The following KDM3B variants were observed in gnomAD, a reference collection of about 807,000 sequenced individuals.
KDM3B encodes lysine-specific demethylase 3B.
A neutral mutation model predicts 170.0 loss-of-function variants in KDM3B; 10 were observed. The observed-to-expected ratio is 0.06, with a 90% CI of 0.04 to 0.10. The LOEUF (loss-of-function observed/expected upper bound fraction) is 0.10. Among genes scored for constraint, KDM3B ranks in the 10% least tolerant of loss-of-function variants. KDM3B has a pLI of 1.00. For synonymous variants in KDM3B, 831 were observed against 834.8 expected (o/e 1.00, Z 0.08); for missense variants, 1,394 against 2,195.2 (o/e 0.64, Z 7.29).
chr5:138,424,233 T>A lies in KDM3B; in HGVS notation c.4131T>A (p.Asp1377Glu). The change falls in exon 16 of 24, where the codon GAT becomes GAA. Residue 1377 changes from aspartate to glutamate, a missense_variant. Physicochemically the swap from Asp to Glu is conservative, Grantham distance 45. Around this residue, in one of 19 missense-constraint regions of KDM3B, gnomAD observed 137 missense variants for 166.9 expected, o/e 0.82. Coordinates refer to ENST00000314358, the MANE Select transcript of KDM3B (RefSeq NM_016604.4). Reference sequence around the variant, plus strand: ...TGGTGATGGGGTTAAATGTGCTAGATCCCCATACTTCTCACTCCTGGCTTT... The same window carrying A: ...TGGTGATGGGGTTAAATGTGCTAGAACCCCATACTTCTCACTCCTGGCTTT... ...KEMVMGLNVL[D>E]PHTSHSWLCD... 1 of 1,614,118 alleles carries A rather than the reference T, an allele frequency of 6.2e-7. No individual in the cohort carries two copies. Among genetic ancestry groups the A allele is most frequent in the Non-Finnish European group, 8.5e-7 (1 of 1,179,974 alleles).
chr5:138,381,995 T>C (rs1371013658), intron 6 of KDM3B, among the ~76,000 whole-genome samples: 1 of 151,078 alleles, frequency 6.6e-6, no homozygotes, highest in Non-Finnish European at 1.5e-5. Flanking sequence ...GGCAGTGAGC[T>C]CCAACGGAGT....
chr5:138,392,472 CA>C (rs1762459564), intron 8 of KDM3B, among the ~76,000 whole-genome samples: 2 of 152,190 alleles, frequency 1.3e-5, no homozygotes, highest in Non-Finnish European at 2.9e-5. Context: ...GTATCTGTCC[CA>C]AATAATGATA....
At position 138,419,710 on chromosome 5, in the gene KDM3B, CAT is replaced by C. The variant is rs1250523114; in HGVS notation, c.3715+486_3715+487del. 2.9e-5 allele frequency among the ~76,000 whole-genome samples: 3 copies of C among 103,502 alleles called. No individual in the cohort carries two copies. In the Admixed American group the frequency reaches 3.1e-4, roughly 11 times the overall value. The allele number at this position is 103,502 out of a possible 152,430, so 67.9% of individuals were successfully genotyped here. On this transcript the variant is annotated intron_variant, in intron 14 of 23. Transcript: ENST00000314358. ...ATATACATATATATATACACACACA[CAT>C]ATATATACACACACATACACACACA...
chr5:138,424,921 C>G (rs1763357469), intron 16 of KDM3B, among the ~76,000 whole-genome samples: 1 of 152,168 alleles, frequency 6.6e-6, no homozygotes, highest in Non-Finnish European at 1.5e-5. Flanking sequence ...GCATTGATAT[C>G]TTTAGAGAAA....
intron 2 of KDM3B, 91 bp from the exon 3 acceptor site, chr5:138,375,002 A>G: frequency 1.3e-6 from 1 of 756,316 alleles, no homozygotes; most frequent in South Asian, 1.5e-5. Context: ...TGAAAGATAT[A>G]ATAATTATTT....
chr5:138,361,339 CTTT>C (rs10715941), intron 1 of KDM3B, among the ~76,000 whole-genome samples: 1 of 146,330 alleles, frequency 6.8e-6, no homozygotes. Context: ...GCTGAAACTC[CTTT>C]TTTTTTTTTT....
At chr5:138,388,683 G>A (rs1762348324) in intron 7 of KDM3B, among the ~76,000 whole-genome samples, 5 of 147,002 alleles carry the variant, frequency 3.4e-5, no homozygotes, top group Admixed American at 2.7e-4. Flanking sequence ...TTGGTGGCAT[G>A]TGTCTGTAAT....
At chr5:138,429,739 C>G in intron 20 of KDM3B, 87 bp from the exon 21 acceptor site, 7 of 1,433,938 alleles carry the variant, frequency 4.9e-6, no homozygotes, top group Non-Finnish European at 6.7e-6. Context: ...AAGAGTAAAA[C>G]TCAATTTATT....
At chr5:138,434,846 A>C (rs1222862454) in intron 23 of KDM3B, among the ~76,000 whole-genome samples, 1 of 152,204 alleles carries the variant, frequency 6.6e-6, no homozygotes, top group Non-Finnish European at 1.5e-5. Context: ...ATGCAAAAAA[A>C]TTAATGGAGA....
At chr5:138,413,611 G>A (rs919179370) in intron 11 of KDM3B, among the ~76,000 whole-genome samples, 1 of 152,062 alleles carries the variant, frequency 6.6e-6, no homozygotes, top group Non-Finnish European at 1.5e-5. Context: ...ATACATGAAT[G>A]TTTATAGCTG....
In KDM3B at chr5:138,391,543, C is replaced by T. The variant is rs750140516; in HGVS notation, c.1911C>T (p.Phe637=). 6 of 1,614,074 alleles carry T rather than the reference C, an allele frequency of 3.7e-6. No individual in the cohort carries two copies. Among genetic ancestry groups the T allele is most frequent in the Non-Finnish European group, 5.1e-6 (6 of 1,180,032 alleles). Reference sequence around the variant, plus strand: ...CCCGAGAAGAGCCTTCTAATCCTTTCCTGGCATTTGTGGAGAAAGTTGAAC... The same window carrying T: ...CCCGAGAAGAGCCTTCTAATCCTTTTCTGGCATTTGTGGAGAAAGTTGAAC... ...KLSREEPSNP[F]LAFVEKVEHS... The change falls in exon 8 of 24, where the codon TTC becomes TTT. Residue 637 remains phenylalanine (F), a synonymous_variant. Transcript: ENST00000314358. This position sits in a 1 kb window ranked among gnomAD's most constrained non-coding sequence, Gnocchi z 5.0.
At position 138,420,782 on chromosome 5, in the gene KDM3B, A is replaced by T. The variant is rs765090922; in HGVS notation, c.3792A>T (p.Ala1264=). Residue 1264 remains alanine (A), a synonymous_variant, in exon 15 of 24, where the codon GCA becomes GCT. Transcript: ENST00000314358. The part of the protein sequence containing the change: ...PFGLDSFNST[A]KVSPLTPKLF... The stretch of plus-strand genomic sequence containing the variant: ...GGCTGGACTCGTTCAACTCCACTGC[A>T]AAGGTCTCTCCGCTGACTCCAAAGC... 1.2e-6 allele frequency: 2 copies of T among 1,614,026 alleles called. No homozygotes were observed. The highest frequency in any genetic ancestry group is 4.5e-5 in the East Asian group (2 of 44,878).
At chr5:138,369,707 G>A (rs917541538) in intron 1 of KDM3B, among the ~76,000 whole-genome samples, 1 of 152,114 alleles carries the variant, frequency 6.6e-6, no homozygotes, top group African/African-American at 2.4e-5. Context: ...CAGTTCCTCT[G>A]CACATCTGAA....
chr5:138,360,572 CTTTTTTTTTT>C (rs61340392), intron 1 of KDM3B, among the ~76,000 whole-genome samples: 1 of 102,038 alleles, frequency 9.8e-6, no homozygotes, highest in South Asian at 3.5e-4. Flanking sequence ...AGTTCTATTT[CTTTTTTTTTT>C]TTTTTTTTTG....
chr5:138,424,435 T>G, intron 16 of KDM3B, 94 bp downstream of exon 16: 3 of 1,405,174 alleles, frequency 2.1e-6, no homozygotes, highest in Non-Finnish European at 2.9e-6. Context: ...CCAGGGAGAT[T>G]TAGACATAGT....
chr5:138,359,336 AT>A (rs1297710935), intron 1 of KDM3B, among the ~76,000 whole-genome samples: 1 of 151,132 alleles, frequency 6.6e-6, no homozygotes, highest in African/African-American at 2.4e-5. Flanking sequence ...TAATGTTTGT[AT>A]TTTTAGTAGA....
Position 138,352,814 on chromosome 5 carries a change from T to C in KDM3B, c.19T>C (p.Ser7Pro). The change falls in exon 1 of 24, where the codon TCC (serine) becomes CCC (proline). Residue 7 changes from serine (S) to proline (P), a missense_variant. Physicochemically the swap from Ser to Pro is moderately conservative, Grantham distance 74. Coordinates refer to ENST00000314358, the MANE Select transcript of KDM3B (RefSeq NM_016604.4). Reference protein sequence around the residue: MADAAASPVGKRLLLLF... With the variant: MADAAAPPVGKRLLLLF... ...CCCGGCGATGGCGGACGCGGCGGCC[T>C]CCCCGGTGGGCAAGCGGCTGCTGCT... 4 of 1,317,670 alleles carry C rather than the reference T, an allele frequency of 3.0e-6. No individual in the cohort carries two copies. The highest frequency in any genetic ancestry group is 3.8e-5 in the South Asian group (2 of 53,292). 81.6% of individuals were successfully genotyped at this position (1,317,670 alleles called of 1,614,324 possible).
At chr5:138,372,045 G>A (rs1761886711) in intron 1 of KDM3B, among the ~76,000 whole-genome samples, 1 of 152,082 alleles carries the variant, frequency 6.6e-6, no homozygotes, top group African/African-American at 2.4e-5. Flanking sequence ...CCCAGGATGT[G>A]GAGGTTGCAG....
intron 1 of KDM3B, among the ~76,000 whole-genome samples, chr5:138,363,610 G>A (rs745806299): frequency 6.6e-6 from 1 of 151,750 alleles, no homozygotes; most frequent in Non-Finnish European, 1.5e-5. Flanking sequence ...GCAGTGGTGT[G>A]ATCTCGGCTC....
Sources: gnomAD v4.1 joint callset for allele counts (sites outside exome capture counted in the v4.1 genomes callset) on GRCh38, gnomAD v4.1.1 for gene constraint, gnomAD v4.1.1 regional missense constraint, Gnocchi (gnomAD v3.1) non-coding constraint, MANE v1.5 for transcripts, NCBI Gene and HGNC (gene_info 2026-07-23, HGNC 2026-07-21) for gene names.